The following FSTL5 variants were observed in gnomAD, a reference collection of about 807,000 sequenced individuals.
FSTL5 encodes follistatin-related protein 5.
FSTL5 carries 62 observed loss-of-function variants against 89.1 expected under a neutral mutation model. The ratio of observed to expected loss-of-function variants is 0.70; its 90% CI spans 0.57 to 0.86. The LOEUF is 0.86. Among genes scored for constraint, FSTL5 ranks in the 40% least tolerant of loss-of-function variants. FSTL5 has a pLI of 0.00. For synonymous variants in FSTL5, 383 were observed against 346.2 expected (o/e 1.11, Z -1.18); for missense variants, 1,057 against 1,001.6 (o/e 1.06, Z -0.75).
intron 7 of FSTL5, among the ~76,000 whole-genome samples, chr4:161,617,580 T>C (rs1734944977): frequency 6.6e-6 from 1 of 152,016 alleles, no homozygotes; most frequent in Non-Finnish European, 1.5e-5. Flanking sequence ...ATAATCAAAC[T>C]GCTGAAATTA....
intron 2 of FSTL5, among the ~76,000 whole-genome samples, chr4:162,087,925 T>TAGTC (rs147677517): frequency 0.044 from 6,663 of 152,224 alleles, 466 homozygotes; most frequent in African/African-American, 0.15. Context: ...ACAGTTGTTG[T>TAGTC]AGTCATTCTT....
chr4:161,519,591 G>C (rs1162283229), intron 10 of FSTL5, among the ~76,000 whole-genome samples: 1 of 152,026 alleles, frequency 6.6e-6, no homozygotes, highest in African/African-American at 2.4e-5. Context: ...AACTTTTCTA[G>C]CTAACATCCT....
chr4:161,928,619 G>T (rs2110886819), intron 3 of FSTL5, among the ~76,000 whole-genome samples: 1 of 151,748 alleles, frequency 6.6e-6, no homozygotes, highest in East Asian at 1.9e-4. Context: ...ATTCAATTAG[G>T]TAGTTGTGGT....
intron 2 of FSTL5, among the ~76,000 whole-genome samples, chr4:162,054,784 G>A (rs920850290): frequency 6.6e-6 from 1 of 151,752 alleles, no homozygotes; most frequent in Non-Finnish European, 1.5e-5. Context: ...CCTGGGTAAC[G>A]TGTCTGAAAT....
intron 10 of FSTL5, among the ~76,000 whole-genome samples, chr4:161,518,593 T>G (rs1333595446): frequency 6.6e-6 from 1 of 152,166 alleles, no homozygotes; most frequent in African/African-American, 2.4e-5. Flanking sequence ...ATCTATTACT[T>G]AATCAAACAA....
chr4:161,432,310 A>T (rs952754132), intron 15 of FSTL5, among the ~76,000 whole-genome samples: 6 of 152,146 alleles, frequency 3.9e-5, no homozygotes, highest in Admixed American at 3.9e-4. Flanking sequence ...GGAATTTTGA[A>T]AACTAAACAA....
intron 4 of FSTL5, among the ~76,000 whole-genome samples, chr4:161,875,617 C>A (rs962852561): frequency 6.6e-6 from 1 of 152,162 alleles, no homozygotes; most frequent in Admixed American, 6.5e-5. Flanking sequence ...GTGGAGTGTA[C>A]TTTTCGTTTT....
At position 161,608,986 on chromosome 4, in the gene FSTL5, G is replaced by A. The variant is rs73862339; in HGVS notation, c.895-21411C>T. ...ATCTCCTGTTGCATAACATAAATTC[G>A]GTCCCTTTTGTATATTTTATCATAT... On this transcript the variant is annotated intron_variant, in intron 7 of 15. Transcript: ENST00000306100. Among the ~76,000 whole-genome samples, 947 of 151,450 alleles carry A rather than the reference G, an allele frequency of 6.3e-3. 9 individuals are homozygous for A. Among genetic ancestry groups the A allele is most frequent in the African/African-American group, 0.022 (898 of 41,364 alleles).
intron 4 of FSTL5, among the ~76,000 whole-genome samples, chr4:161,873,842 TG>T (rs1290414108): frequency 2.6e-5 from 4 of 152,032 alleles, no homozygotes; most frequent in Non-Finnish European, 5.9e-5. Flanking sequence ...ACCACTTTTT[TG>T]CTCGTTCATT....
chr4:161,488,160 T>C (rs1729744535), intron 12 of FSTL5, among the ~76,000 whole-genome samples: 2 of 152,170 alleles, frequency 1.3e-5, no homozygotes, highest in Non-Finnish European at 2.9e-5. Context: ...CTGAGATTAC[T>C]GCTTATAACC....
At chr4:161,667,785 T>C (rs1579007084) in intron 6 of FSTL5, among the ~76,000 whole-genome samples, 1 of 152,038 alleles carries the variant, frequency 6.6e-6, no homozygotes, top group African/African-American at 2.4e-5. Context: ...CATCTTGTGA[T>C]CATGAATGGG....
chr4:161,836,444 TA>T (rs923166952), intron 4 of FSTL5, among the ~76,000 whole-genome samples: 5 of 147,870 alleles, frequency 3.4e-5, no homozygotes, highest in Admixed American at 2.0e-4. Context: ...ACCTAAAACT[TA>T]AAGTATAACA....
chr4:161,779,993 A>G (rs1741602576), intron 4 of FSTL5, among the ~76,000 whole-genome samples: 1 of 148,626 alleles, frequency 6.7e-6, no homozygotes. Context: ...CTTTTCAAGA[A>G]ACAGAGTGTG....
At chr4:161,579,755 GA>G (rs1560963595) in intron 8 of FSTL5, among the ~76,000 whole-genome samples, 1 of 95,378 alleles carries the variant, frequency 1.0e-5, no homozygotes, top group East Asian at 2.7e-4. Context: ...GAAAGAAAAA[GA>G]AAAAAAGAAA....
At chr4:161,412,733 A>G (rs557235874) in intron 15 of FSTL5, among the ~76,000 whole-genome samples, 1 of 152,308 alleles carries the variant, frequency 6.6e-6, no homozygotes, top group Admixed American at 6.5e-5. Context: ...GATCAATGGA[A>G]CACAACAGAC....
intron 15 of FSTL5, among the ~76,000 whole-genome samples, chr4:161,424,024 C>CTTTT (rs11287729): frequency 4.0e-5 from 3 of 75,380 alleles, no homozygotes; most frequent in Admixed American, 1.9e-4. Flanking sequence ...GCCCATCATT[C>CTTTT]TTTTTTTTTT....
chr4:161,878,349 T>C (rs1267008628), intron 4 of FSTL5, among the ~76,000 whole-genome samples: 1 of 152,146 alleles, frequency 6.6e-6, no homozygotes, highest in Non-Finnish European at 1.5e-5. Context: ...TGTATTATGG[T>C]TTGACGATTT....
intron 3 of FSTL5, among the ~76,000 whole-genome samples, chr4:161,933,123 T>C (rs1734337375): frequency 6.6e-6 from 1 of 152,148 alleles, no homozygotes; most frequent in Non-Finnish European, 1.5e-5. Context: ...CCGACACGCA[T>C]GGCGGGTTAG....
At chr4:161,936,951 G>C (rs1242812144) in intron 3 of FSTL5, among the ~76,000 whole-genome samples, 1 of 152,124 alleles carries the variant, frequency 6.6e-6, no homozygotes, top group Non-Finnish European at 1.5e-5. Flanking sequence ...TCACAGGAAA[G>C]GTGATGGTTG....
Sources: gnomAD v4.1 joint callset for allele counts (sites outside exome capture counted in the v4.1 genomes callset) on GRCh38, gnomAD v4.1.1 for gene constraint, MANE v1.5 for transcripts, NCBI Gene and HGNC (gene_info 2026-07-23, HGNC 2026-07-21) for gene names.